NMBR: variants seen among roughly 807,000 people sequenced by gnomAD.
NMBR encodes neuromedin B receptor.
Under a neutral mutation model 20.5 loss-of-function variants are expected in NMBR, and 16 were observed. That is an observed-to-expected ratio of 0.78 (90% CI 0.53 to 1.19). The LOEUF is 1.19. Among genes scored for constraint, NMBR ranks in the 50% most tolerant of loss-of-function variants. The probability of loss-of-function intolerance (pLI) is 0.00; values close to 1 mark genes in which losing one functional copy is unlikely to be tolerated. For missense variants in NMBR, 582 were observed against 499.1 expected, an observed-to-expected ratio of 1.17 and a Z score of -1.58; for synonymous variants, 212 against 196.6, an observed-to-expected ratio of 1.08 and a Z score of -0.65.
intron 1 of NMBR, among the ~76,000 whole-genome samples, chr6:142,130,488 C>A (rs1283789394): frequency 2.0e-5 from 3 of 152,036 alleles, no homozygotes; most frequent in Non-Finnish European, 4.4e-5. Context: ...ATCTTAAGAG[C>A]ACTTCAGAAA....
rs754275458 is a variant in NMBR at position 142,079,108 on chromosome 6, A to AAGAGAGAG, written c.423-206_423-205insCTCTCTCT. ...AGAAAGAGAGAAAGAGAGAGAGAGA[A>AAGAGAGAG]AGAAAGAAAGAAAGAAAGAAGAAAG... On this transcript the variant is annotated intron_variant, in intron 2 of 3. Transcript: ENST00000258042. 3.9e-3 allele frequency among the ~76,000 whole-genome samples: 439 copies of AAGAGAGAG among 112,236 alleles called. 5 individuals are homozygous for AAGAGAGAG. Among genetic ancestry groups the AAGAGAGAG allele is most frequent in the East Asian group, 0.027 (99 of 3,734 alleles). 73.6% of individuals were successfully genotyped at this position (112,236 alleles called of 152,430 possible). A position where few individuals can be genotyped will look rare whatever the true frequency, so the allele number is the denominator to read the frequency against.
intron 1 of NMBR, among the ~76,000 whole-genome samples, chr6:142,097,265 C>T (rs113377599): frequency 6.6e-6 from 1 of 152,082 alleles, no homozygotes; most frequent in Non-Finnish European, 1.5e-5. Context: ...TTCTTCCTAG[C>T]CTCGATGGTC....
chr6:142,102,089 G>T (rs1485857142), intron 1 of NMBR, among the ~76,000 whole-genome samples: 1 of 152,086 alleles, frequency 6.6e-6, no homozygotes, highest in Non-Finnish European at 1.5e-5. Context: ...CACAGAATGA[G>T]CTAAAGAGTC....
chr6:142,118,061 C>A (rs1276829054), intron 1 of NMBR, among the ~76,000 whole-genome samples: 1 of 151,700 alleles, frequency 6.6e-6, no homozygotes, highest in Non-Finnish European at 1.5e-5. Context: ...TATGTCCCTA[C>A]ACAGAAAAAA....
chr6:142,131,615 C>A (rs9496281), intron 1 of NMBR, among the ~76,000 whole-genome samples: 1 of 152,152 alleles, frequency 6.6e-6, no homozygotes, highest in Non-Finnish European at 1.5e-5. Context: ...TAAGCAACAT[C>A]CCTCCTCAGC....
chr6:142,084,979 T>G (rs1339663246), intron 2 of NMBR, among the ~76,000 whole-genome samples: 1 of 152,220 alleles, frequency 6.6e-6, no homozygotes, highest in Non-Finnish European at 1.5e-5. Flanking sequence ...ATCAACTACT[T>G]TATGTAAGCA....
Position 142,082,159 on chromosome 6 carries a change from C to A in NMBR, c.423-3256G>T, listed in dbSNP as rs377151972. ...TAATGACACTACCCAAAATTTCTTT[C>A]TTTCTTTTTTTCTTATTAAACTTTC... is the stretch of plus-strand genomic sequence containing the variant. On this transcript the variant is annotated intron_variant, in intron 2 of 3. Transcript: ENST00000258042. 8.7e-4 allele frequency among the ~76,000 whole-genome samples: 133 copies of A among 152,262 alleles called. No homozygotes were observed. In the South Asian group the frequency reaches 0.01, roughly 12 times the overall value.
chr6:142,086,396 T>C (rs1309924038), intron 2 of NMBR, among the ~76,000 whole-genome samples: 2 of 152,188 alleles, frequency 1.3e-5, no homozygotes, highest in East Asian at 3.8e-4. Flanking sequence ...TGGTGAGATA[T>C]AGTAAGAAGT....
rs536001192 is a variant in NMBR, at chr6:142,113,366, T to C, written c.-663-24045A>G. On this transcript the variant is annotated intron_variant, in intron 1 of 3. Coordinates refer to ENST00000258042, the MANE Select transcript of NMBR (RefSeq NM_002511.4). ...AAATAAAGTTGGTGATTCAAACTTC[T>C]GGTTTTGCTGAAACTGCTAAAGGAT... Among the ~76,000 whole-genome samples the C allele has an allele frequency of 3.5e-3, 531 of 152,302 alleles. 3 individuals carry two copies. Among genetic ancestry groups the C allele is most frequent in the African/African-American group, 0.012 (505 of 41,580 alleles).
intron 1 of NMBR, chr6:142,133,943 G>A (rs757693067): frequency 1.4e-6 from 1 of 702,488 alleles, no homozygotes; most frequent in Non-Finnish European, 2.6e-6. Flanking sequence ...TGCAGTTTAT[G>A]GGAATGAGGC....
chr6:142,116,734 C>G (rs912632505), intron 1 of NMBR, among the ~76,000 whole-genome samples: 2 of 151,898 alleles, frequency 1.3e-5, no homozygotes, highest in African/African-American at 4.8e-5. Flanking sequence ...CTTACCTATT[C>G]ATGTTTCCGT....
At chr6:142,107,656 A>G (rs1310453462) in intron 1 of NMBR, among the ~76,000 whole-genome samples, 1 of 152,208 alleles carries the variant, frequency 6.6e-6, no homozygotes, top group South Asian at 2.1e-4. Context: ...TCTAGTTTTC[A>G]ACAAAAAATT....
At chr6:142,085,094 T>C (rs1321783719) in intron 2 of NMBR, among the ~76,000 whole-genome samples, 1 of 152,176 alleles carries the variant, frequency 6.6e-6, no homozygotes, top group African/African-American at 2.4e-5. Flanking sequence ...CTTCATACCA[T>C]GCACTGTCTC....
intron 1 of NMBR, chr6:142,134,148 A>T (rs1778203278): frequency 4.0e-6 from 2 of 503,374 alleles, no homozygotes; most frequent in Admixed American, 6.8e-5. Context: ...GTTCCTAAGG[A>T]TTATGTTACT....
Position 142,134,892 on chromosome 6 carries a change from T to C in NMBR, c.-664+12152A>G, listed in dbSNP as rs564193496. On this transcript the variant is annotated intron_variant, in intron 1 of 3. Coordinates refer to ENST00000258042, the MANE Select transcript of NMBR (RefSeq NM_002511.4). ...TTGCTGAGATTTTTGAGATCATATT[T>C]AGAAGATTATACTTTCCATTCAGAC... 37 of 608,290 alleles carry C rather than the reference T, an allele frequency of 6.1e-5. 1 individual carries two copies. In the African/African-American group the frequency reaches 6.3e-4, roughly 10 times the overall value. The allele number at this position is 608,290 out of a possible 1,614,324, so 37.7% of individuals were successfully genotyped here.
chr6:142,077,822 A>T (rs1776979512), intron 3 of NMBR, among the ~76,000 whole-genome samples: 1 of 152,214 alleles, frequency 6.6e-6, no homozygotes, highest in African/African-American at 2.4e-5. Flanking sequence ...CTGTACACAA[A>T]TGTACAACCA....
At chr6:142,106,920 C>T (rs1302700296) in intron 1 of NMBR, among the ~76,000 whole-genome samples, 4 of 152,196 alleles carry the variant, frequency 2.6e-5, no homozygotes, top group East Asian at 3.9e-4. Context: ...TACCAACACA[C>T]ATCCTTAAAA....
intron 1 of NMBR, among the ~76,000 whole-genome samples, chr6:142,145,701 G>A (rs926644967): frequency 1.3e-5 from 2 of 152,214 alleles, no homozygotes; most frequent in African/African-American, 4.8e-5. Flanking sequence ...GTAGACCAAG[G>A]AAATTGGGGC....
intron 1 of NMBR, among the ~76,000 whole-genome samples, chr6:142,101,233 G>A (rs1171349897): frequency 6.6e-6 from 1 of 152,220 alleles, no homozygotes; most frequent in Non-Finnish European, 1.5e-5. Flanking sequence ...CACAAGAGCA[G>A]GTTCCAGTCT....
Sources: gnomAD v4.1 joint callset for allele counts (sites outside exome capture counted in the v4.1 genomes callset) on GRCh38, gnomAD v4.1.1 for gene constraint, MANE v1.5 for transcripts, NCBI Gene and HGNC (gene_info 2026-07-23, HGNC 2026-07-21) for gene names.